Variants in RNF220 observed in about 807,000 individuals in gnomAD.
The protein encoded by RNF220 is E3 ubiquitin-protein ligase RNF220.
RNF220 carries 7 observed loss-of-function variants against 67.1 expected under a neutral mutation model. That is an observed-to-expected ratio of 0.10 (90% confidence interval 0.06 to 0.20). The LOEUF (loss-of-function observed/expected upper bound fraction) is 0.20, where lower values mean the gene tolerates loss of function less well. Ranked by LOEUF, RNF220 falls within the 10% of genes least tolerant of loss-of-function variation. RNF220 has a pLI of 1.00. For synonymous variants in RNF220, 270 were observed against 283.2 expected, an observed-to-expected ratio of 0.95 and a Z score of 0.47; for missense variants, 565 against 740.3, an observed-to-expected ratio of 0.76 and a Z score of 2.75.
In RNF220 at chr1:44,621,387, C is replaced by T. The variant is rs76716526; in HGVS notation, c.759-1355C>T. Among the ~76,000 whole-genome samples the T allele has an allele frequency of 0.22, 33,941 of 152,106 alleles. 5,054 individuals are homozygous for T. The highest frequency in any genetic ancestry group is 0.33 in the Middle Eastern group (97 of 294). ...CCTTTATACCAGGGTTTCTCAACCT[C>T]GGCACAGTTGACATTTGGGGTCAGA... On this transcript the variant is annotated intron_variant, in intron 3 of 14. Coordinates refer to ENST00000361799, the MANE Select transcript of RNF220 (RefSeq NM_018150.4). The surrounding 1 kb of genome is among the most constrained non-coding windows in gnomAD (Gnocchi z 4.8).
At chr1:44,476,662 T>C (rs10890306) in intron 2 of RNF220, among the ~76,000 whole-genome samples, 151,210 of 152,298 alleles carry the variant, frequency 0.99, 75,073 homozygotes, top group Middle Eastern at 1. Context: ...GGAGGAAGCT[T>C]GAGAGAGCCT....
chr1:44,490,657 A>T (rs1656776084), intron 2 of RNF220, among the ~76,000 whole-genome samples: 1 of 152,034 alleles, frequency 6.6e-6, no homozygotes. Context: ...ATGTTATATT[A>T]ATAACTTAAC....
chr1:44,435,254 C>G (rs1184138552), intron 2 of RNF220, among the ~76,000 whole-genome samples: 1 of 152,180 alleles, frequency 6.6e-6, no homozygotes, highest in Non-Finnish European at 1.5e-5. Flanking sequence ...GCTTTAATTG[C>G]ATTTCTGATA....
At chr1:44,539,759 CTG>C (rs1661532837) in intron 2 of RNF220, among the ~76,000 whole-genome samples, 1 of 152,226 alleles carries the variant, frequency 6.6e-6, no homozygotes, top group Non-Finnish European at 1.5e-5. Flanking sequence ...TAATCCAACA[CTG>C]TTCCAGAATT....
chr1:44,611,934 C>T (rs1163761478), intron 2 of RNF220, among the ~76,000 whole-genome samples: 1 of 152,174 alleles, frequency 6.6e-6, no homozygotes, highest in East Asian at 1.9e-4. Context: ...AATAAAATGG[C>T]CTGGAGAATG....
At chr1:44,636,444 A>G (rs1318616139) in intron 8 of RNF220, 1 of 717,584 alleles carries the variant, frequency 1.4e-6, no homozygotes, top group Non-Finnish European at 2.6e-6. Flanking sequence ...GTGACAGCCA[A>G]GCCGCGTTAG....
chr1:44,423,843 G>A (rs1649469794), intron 2 of RNF220: 1 of 985,274 alleles, frequency 1.0e-6, no homozygotes, highest in South Asian at 4.7e-5. Context: ...TTTCGCGAGG[G>A]AGGTTAGGCA....
intron 2 of RNF220, among the ~76,000 whole-genome samples, chr1:44,514,014 C>A (rs1183532106): frequency 2.0e-5 from 3 of 152,244 alleles, no homozygotes; most frequent in African/African-American, 7.2e-5. Context: ...CATAGTATCA[C>A]CACAGCAGAC....
intron 2 of RNF220, among the ~76,000 whole-genome samples, chr1:44,455,845 C>T (rs902750424): frequency 3.9e-5 from 6 of 152,172 alleles, no homozygotes; most frequent in Non-Finnish European, 7.3e-5. Context: ...TCTGAGTTCT[C>T]TAGCTCTAGC....
chr1:44,426,112 C>T (rs1230422136), intron 2 of RNF220, among the ~76,000 whole-genome samples: 4 of 152,152 alleles, frequency 2.6e-5, no homozygotes, highest in African/African-American at 9.7e-5. Flanking sequence ...AGAAGTTTAC[C>T]CTTTGCCTTT....
chr1:44,559,122 C>T (rs1233445923), intron 2 of RNF220, among the ~76,000 whole-genome samples: 1 of 152,252 alleles, frequency 6.6e-6, no homozygotes, highest in Admixed American at 6.5e-5. Context: ...CTTCTCGCTC[C>T]AGAACCTCAC....
At chr1:44,470,516 G>C (rs769682800) in intron 2 of RNF220, among the ~76,000 whole-genome samples, 5 of 152,172 alleles carry the variant, frequency 3.3e-5, no homozygotes, top group African/African-American at 1.2e-4. Flanking sequence ...GACCCTTGCT[G>C]TTCCACTATT....
chr1:44,554,102 G>A (rs1186494645), intron 2 of RNF220, among the ~76,000 whole-genome samples: 1 of 152,154 alleles, frequency 6.6e-6, no homozygotes, highest in Admixed American at 6.5e-5. Context: ...ACAGAAATCA[G>A]CTTTCAGGGC....
intron 4 of RNF220, among the ~76,000 whole-genome samples, chr1:44,626,093 C>G (rs1643930769): frequency 6.6e-6 from 1 of 152,100 alleles, no homozygotes; most frequent in African/African-American, 2.4e-5. Context: ...GGGTCTCTAC[C>G]CATCCCTAAA....
intron 2 of RNF220, among the ~76,000 whole-genome samples, chr1:44,467,134 C>T (rs916257343): frequency 6.6e-6 from 1 of 152,240 alleles, no homozygotes; most frequent in East Asian, 1.9e-4. Flanking sequence ...TGCTACTCCA[C>T]CTTGTAATTT....
At chr1:44,576,319 T>A (rs1664801891) in intron 2 of RNF220, among the ~76,000 whole-genome samples, 1 of 152,184 alleles carries the variant, frequency 6.6e-6, no homozygotes. Flanking sequence ...TGGTGAACTT[T>A]GTTGTCACAA....
At chr1:44,481,177 C>T (rs988675119) in intron 2 of RNF220, among the ~76,000 whole-genome samples, 8 of 152,090 alleles carry the variant, frequency 5.3e-5, no homozygotes, top group South Asian at 2.1e-4. Context: ...AATCCCAGCA[C>T]GTTGAGAGGC....
intron 2 of RNF220, among the ~76,000 whole-genome samples, chr1:44,478,730 A>AG (rs1655514900): frequency 6.6e-6 from 1 of 152,058 alleles, no homozygotes; most frequent in African/African-American, 2.4e-5. Flanking sequence ...TCTAAAAAAA[A>AG]GAGAGAGAGA....
intron 2 of RNF220, among the ~76,000 whole-genome samples, chr1:44,571,577 C>A (rs567644354): frequency 2.0e-5 from 3 of 152,298 alleles, no homozygotes; most frequent in African/African-American, 4.8e-5. Flanking sequence ...TAATAAATTT[C>A]TTGAATAAAT....
Sources: gnomAD v4.1 joint callset for allele counts (sites outside exome capture counted in the v4.1 genomes callset) on GRCh38, gnomAD v4.1.1 for gene constraint, Gnocchi (gnomAD v3.1) non-coding constraint, MANE v1.5 for transcripts, NCBI Gene and HGNC (gene_info 2026-07-23, HGNC 2026-07-21) for gene names.